DOCK2: variants seen among roughly 807,000 people sequenced by gnomAD.
The protein encoded by DOCK2 is dedicator of cytokinesis protein 2.
DOCK2 carries 87 observed loss-of-function variants against 248.9 expected under a neutral mutation model. The observed-to-expected ratio is 0.35, with a 90% CI of 0.29 to 0.42. DOCK2 has a LOEUF of 0.42. DOCK2 is among the 10% of genes least tolerant of loss of function. DOCK2 has a pLI of 1.00. For synonymous variants in DOCK2, 805 were observed against 821.6 expected, an observed-to-expected ratio of 0.98 and a Z score of 0.35; for missense variants, 1,747 against 2,300.2, an observed-to-expected ratio of 0.76 and a Z score of 4.92.
chr5:170,003,720 G>C lies in DOCK2; in HGVS notation c.3073-4777G>C, dbSNP rs1754920342. ...GACAGCACTGGGGACCATGGAAATT[G>C]TATGAGACTTTAAAAGCCAGGTGGG... On this transcript the variant is annotated intron_variant, in intron 30 of 51. Transcript: ENST00000520908. Among the ~76,000 whole-genome samples the C allele has an allele frequency of 5.9e-5, 9 of 152,358 alleles. No homozygotes were observed. The South Asian group carries it at 1.9e-3, about 32-fold the overall frequency.
rs369763836 is a variant in DOCK2 at position 169,931,609 on chromosome 5, C to G, written c.2800-51459C>G. ...TTATTCGCTGTTTGACTTTGGCAAACTGACACAAGATCTCTGAGCCTGCTT... is the reference window on the plus strand; with the variant it reads ...TTATTCGCTGTTTGACTTTGGCAAAGTGACACAAGATCTCTGAGCCTGCTT... On this transcript the variant is annotated intron_variant, in intron 27 of 51. Transcript: ENST00000520908. Among the ~76,000 whole-genome samples, 37 of 152,320 alleles carry G rather than the reference C, an allele frequency of 2.4e-4. 1 individual carries two copies. Among genetic ancestry groups the G allele is most frequent in the South Asian group, 2.1e-3 (10 of 4,828 alleles).
intron 27 of DOCK2, among the ~76,000 whole-genome samples, chr5:169,872,301 A>C (rs1772029355): frequency 6.6e-6 from 1 of 152,214 alleles, no homozygotes; most frequent in South Asian, 2.1e-4. Flanking sequence ...CATTTGGATA[A>C]ATCATGACAC....
chr5:169,866,651 A>G (rs566767612), intron 27 of DOCK2, among the ~76,000 whole-genome samples: 2 of 152,326 alleles, frequency 1.3e-5, no homozygotes, highest in African/African-American at 4.8e-5. Context: ...CAGTGCTGGC[A>G]TCAGTAGCTG....
intron 32 of DOCK2, among the ~76,000 whole-genome samples, chr5:170,013,970 A>G (rs1474632542): frequency 6.6e-6 from 1 of 152,096 alleles, no homozygotes; most frequent in East Asian, 1.9e-4. Flanking sequence ...TGTAGAATGG[A>G]AACTTGGGGC....
chr5:169,895,319 C>CA (rs957307960), intron 27 of DOCK2, among the ~76,000 whole-genome samples: 4 of 152,062 alleles, frequency 2.6e-5, no homozygotes, highest in African/African-American at 9.7e-5. Flanking sequence ...TTGTTTCTTG[C>CA]AAAGGGAAGA....
intron 44 of DOCK2, among the ~76,000 whole-genome samples, chr5:170,061,818 G>A (rs17072057): frequency 0.24 from 37,079 of 152,114 alleles, 5,123 homozygotes; most frequent in African/African-American, 0.37. Context: ...TCAAATGCAG[G>A]TGTGTTGCTG....
intron 44 of DOCK2, among the ~76,000 whole-genome samples, chr5:170,065,024 G>A (rs1328385496): frequency 1.3e-5 from 2 of 151,456 alleles, no homozygotes; most frequent in African/African-American, 4.9e-5. Flanking sequence ...AAGATTTAAA[G>A]GCAAAAAAAA....
intron 42 of DOCK2, chr5:170,056,395 G>A (rs1316926353): frequency 7.1e-6 from 2 of 283,188 alleles, no homozygotes; most frequent in African/African-American, 4.4e-5. Context: ...AGGAAATCAT[G>A]ACCTAGGCCA....
rs1430084315 is a variant in DOCK2, at chr5:169,764,871, G to GTTGTTGTTGTTGTTGTTT, written c.2554+3248_2554+3249insGTTGTTGTTGTTGTTTTT. Reference sequence around the variant, plus strand: ...TGTTGTTGTTGTTGTTGTTGTTGTTGTTTTCAATTTTTATTGCCCTAGAAT... The same window carrying GTTGTTGTTGTTGTTGTTT: ...TGTTGTTGTTGTTGTTGTTGTTGTTGTTGTTGTTGTTGTTGTTTTTTTCAATTTTTATTGCCCTAGAAT... On this transcript the variant is annotated intron_variant, in intron 25 of 51. Transcript: ENST00000520908. This position sits in a 1 kb window ranked among gnomAD's most constrained non-coding sequence, Gnocchi z 4.3. 6.6e-6 allele frequency among the ~76,000 whole-genome samples: 1 copy of GTTGTTGTTGTTGTTGTTT among 151,560 alleles called. No individual in the cohort carries two copies. Among genetic ancestry groups the GTTGTTGTTGTTGTTGTTT allele is most frequent in the African/African-American group, 2.4e-5 (1 of 41,030 alleles).
At chr5:169,777,814 C>G (rs193297674) in intron 25 of DOCK2, among the ~76,000 whole-genome samples, 6 of 152,312 alleles carry the variant, frequency 3.9e-5, no homozygotes. Context: ...TCATTAATAA[C>G]TATTACTAGT....
chr5:169,943,141 C>T (rs1776308132), intron 27 of DOCK2, among the ~76,000 whole-genome samples: 1 of 152,156 alleles, frequency 6.6e-6, no homozygotes, highest in South Asian at 2.1e-4. Context: ...ACACCCAGGC[C>T]ATCAATGTCT....
intron 6 of DOCK2, among the ~76,000 whole-genome samples, chr5:169,678,875 C>T (rs1759492246): frequency 6.6e-6 from 1 of 152,082 alleles, no homozygotes; most frequent in Non-Finnish European, 1.5e-5. Context: ...GTGGGGATGA[C>T]AACCACTCTG....
chr5:170,083,090 A>G lies in DOCK2; in HGVS notation c.*232A>G, dbSNP rs959463653. On this transcript the variant is annotated 3_prime_UTR_variant, in exon 52 of 52. Transcript: ENST00000520908. ...AGGAAGCCTCAACGTAGATTCCTGA[A>G]CTCAAGGTACCAGCAAGAATGCCTT... 25 of 537,874 alleles carry G rather than the reference A, an allele frequency of 4.6e-5. No individual in the cohort carries two copies. Among genetic ancestry groups the G allele is most frequent in the Non-Finnish European group, 6.6e-6 (2 of 302,748 alleles). 33.3% of individuals were successfully genotyped at this position (537,874 alleles called of 1,614,324 possible).
intron 1 of DOCK2, among the ~76,000 whole-genome samples, chr5:169,653,339 G>A (rs1325504928): frequency 6.6e-6 from 1 of 152,208 alleles, no homozygotes; most frequent in African/African-American, 2.4e-5. Flanking sequence ...ACATTGTGGG[G>A]TGGGTAAGAG....
intron 25 of DOCK2, among the ~76,000 whole-genome samples, chr5:169,787,861 A>G (rs562350948): frequency 4.4e-4 from 62 of 140,904 alleles, no homozygotes; most frequent in African/African-American, 1.5e-3. Flanking sequence ...TCATTTTATC[A>G]TGGTCTTCAT....
At chr5:169,887,634 A>C (rs982391768) in intron 27 of DOCK2, among the ~76,000 whole-genome samples, 3 of 152,228 alleles carry the variant, frequency 2.0e-5, no homozygotes, top group African/African-American at 7.2e-5. Context: ...ATTTTTGTGG[A>C]TATTTAGGTT....
intron 44 of DOCK2, among the ~76,000 whole-genome samples, chr5:170,066,446 A>G (rs1480252764): frequency 6.6e-6 from 1 of 152,232 alleles, no homozygotes; most frequent in Non-Finnish European, 1.5e-5. Context: ...TAATGTTAGT[A>G]GGGTATTTCA....
intron 25 of DOCK2, among the ~76,000 whole-genome samples, chr5:169,773,875 T>C (rs1765234092): frequency 6.6e-6 from 1 of 152,192 alleles, no homozygotes; most frequent in African/African-American, 2.4e-5. Context: ...CTGATGGTTT[T>C]ATAAGGGGAA....
intron 25 of DOCK2, among the ~76,000 whole-genome samples, chr5:169,777,996 G>C (rs184518534): frequency 5.1e-4 from 78 of 152,236 alleles, no homozygotes; most frequent in African/African-American, 1.6e-3. Flanking sequence ...GAGGGGATAC[G>C]TGAGCACACA....
Sources: gnomAD v4.1 joint callset for allele counts (sites outside exome capture counted in the v4.1 genomes callset) on GRCh38, gnomAD v4.1.1 for gene constraint, Gnocchi (gnomAD v3.1) non-coding constraint, MANE v1.5 for transcripts, NCBI Gene and HGNC (gene_info 2026-07-23, HGNC 2026-07-21) for gene names.